Variants in AGBL3 observed in about 807,000 individuals in gnomAD.
AGBL3 encodes cytosolic carboxypeptidase 3.
In AGBL3, 68 loss-of-function variants were observed where a neutral mutation model predicts 94.5. That is an observed-to-expected ratio of 0.72 (90% CI 0.59 to 0.88). The LOEUF (loss-of-function observed/expected upper bound fraction) is 0.88. Among genes scored for constraint, AGBL3 ranks in the 40% least tolerant of loss-of-function variants. The pLI is 0.00. For synonymous variants in AGBL3, 354 were observed against 370.7 expected (o/e 0.95, Z 0.52); for missense variants, 934 against 1,103.8 (o/e 0.85, Z 2.18).
At chr7:135,123,858 C>G (rs1471720756) in intron 16 of AGBL3, among the ~76,000 whole-genome samples, 1 of 152,122 alleles carries the variant, frequency 6.6e-6, no homozygotes, top group African/African-American at 2.4e-5. Context: ...GGTTTCATTA[C>G]CACCATGGCT....
At chr7:134,987,062 G>C (rs1809550086) in intron 1 of AGBL3, among the ~76,000 whole-genome samples, 1 of 152,264 alleles carries the variant, frequency 6.6e-6, no homozygotes, top group African/African-American at 2.4e-5. Context: ...GTGGAGTTGT[G>C]ATGCCCAGGC....
chr7:134,988,983 CTT>C (rs67831726), intron 2 of AGBL3, among the ~76,000 whole-genome samples: 10,372 of 152,182 alleles, frequency 0.068, 1,130 homozygotes, highest in African/African-American at 0.23. Flanking sequence ...TATCAAGAAT[CTT>C]TAAACTTTAT....
In AGBL3 at chr7:135,046,659, A is replaced by G. The variant is rs190879310; in HGVS notation, c.1841+748A>G. Among the ~76,000 whole-genome samples, 317 of 152,046 alleles carry G rather than the reference A, an allele frequency of 2.1e-3. 1 individual carries two copies. Among genetic ancestry groups the G allele is most frequent in the African/African-American group, 7.3e-3 (301 of 41,482 alleles). ...CTTTTCGTGGCTTAAAAGCTCATTT[A>G]TTTTTAGCACTCAGTAATATTCCAT... On this transcript the variant is annotated intron_variant, in intron 11 of 16. Transcript: ENST00000436302.
chr7:135,032,391 G>A (rs141675902), intron 5 of AGBL3, among the ~76,000 whole-genome samples: 291 of 151,778 alleles, frequency 1.9e-3, no homozygotes, highest in Non-Finnish European at 3.2e-3. Context: ...TGCAACCTCT[G>A]CCTCCCAGGT....
At chr7:135,128,544 C>A (rs1158656494) in intron 16 of AGBL3, 2 of 766,628 alleles carry the variant, frequency 2.6e-6, no homozygotes, top group Non-Finnish European at 2.4e-6. Flanking sequence ...GGTGGAGAAA[C>A]CAGGATCTAT....
intron 14 of AGBL3, among the ~76,000 whole-genome samples, chr7:135,081,365 G>A (rs1820911324): frequency 6.6e-6 from 1 of 151,834 alleles, no homozygotes; most frequent in Admixed American, 6.6e-5. Flanking sequence ...TAAATAAATG[G>A]TGGCAAAGTA....
chr7:135,025,741 A>G (rs1280172390), intron 5 of AGBL3, among the ~76,000 whole-genome samples: 1 of 151,660 alleles, frequency 6.6e-6, no homozygotes, highest in Non-Finnish European at 1.5e-5. Context: ...AAAGGGTTGG[A>G]GAAAGATCTA....
rs1826204088 is a variant in AGBL3 at position 135,115,558 on chromosome 7, C to T, written c.2289C>T (p.Thr763=). 20 of 1,551,230 alleles carry T rather than the reference C, an allele frequency of 1.3e-5. No individual in the cohort carries two copies. The highest frequency in any genetic ancestry group is 3.3e-4 in the Middle Eastern group (2 of 6,010). ...TGCATAGCACTAAAAACATGCAAAC[C>T]ACTCAGATAAAACAGCTATTCAATC... The part of the protein sequence containing the change: ...PIVHSTKNMQ[T]TQIKQLFNPR... Residue 763 remains threonine (T), a synonymous_variant, in exon 16 of 17, where the codon ACC becomes ACT. Transcript: ENST00000436302.
At chr7:135,107,608 A>G (rs1352282780) in intron 15 of AGBL3, among the ~76,000 whole-genome samples, 1 of 152,068 alleles carries the variant, frequency 6.6e-6, no homozygotes, top group Admixed American at 6.6e-5. Flanking sequence ...GTTCTTTTGC[A>G]TTTCCTGAGA....
chr7:135,135,547 C>A lies in AGBL3; in HGVS notation c.*286C>A, dbSNP rs760079656. 1 of 229,468 alleles carries A rather than the reference C, an allele frequency of 4.4e-6. No homozygotes were observed. The highest frequency in any genetic ancestry group is 8.4e-6 in the Non-Finnish European group (1 of 118,898). The allele number at this position is 229,468 out of a possible 1,614,324, so 14.2% of individuals were successfully genotyped here. A position where few individuals can be genotyped will look rare whatever the true frequency, so the allele number is the denominator to read the frequency against. On this transcript the variant is annotated 3_prime_UTR_variant, in exon 17 of 17. Coordinates refer to ENST00000436302, the MANE Select transcript of AGBL3 (RefSeq NM_178563.4). Reference sequence around the variant, plus strand: ...TCTGAAGTTTTGATTTCTTCCAAAACTACTTACACATTCGACACCAAAAAA... The same window carrying A: ...TCTGAAGTTTTGATTTCTTCCAAAAATACTTACACATTCGACACCAAAAAA...
intron 16 of AGBL3, among the ~76,000 whole-genome samples, chr7:135,118,088 C>A (rs2117214115): frequency 6.6e-6 from 1 of 152,300 alleles, no homozygotes; most frequent in African/African-American, 2.4e-5. Context: ...TGAAGCCTGG[C>A]TGAATTCCCT....
chr7:135,114,065 T>C (rs1825990527), intron 15 of AGBL3, among the ~76,000 whole-genome samples: 1 of 152,224 alleles, frequency 6.6e-6, no homozygotes, highest in Non-Finnish European at 1.5e-5. Flanking sequence ...AATATTCCAT[T>C]GTATGAATAT....
chr7:135,027,248 A>G (rs1262061877), intron 5 of AGBL3, among the ~76,000 whole-genome samples: 1 of 151,618 alleles, frequency 6.6e-6, no homozygotes, highest in Non-Finnish European at 1.5e-5. Context: ...GGGTTTTACC[A>G]TGTTACCAAG....
At chr7:135,010,491 T>C (rs1813009872) in intron 4 of AGBL3, 1 of 155,424 alleles carries the variant, frequency 6.4e-6, no homozygotes, top group African/African-American at 2.4e-5. Flanking sequence ...CCTTTTGCTA[T>C]AGAGGACATT....
intron 16 of AGBL3, chr7:135,129,291 T>A: frequency 6.7e-7 from 1 of 1,501,110 alleles, no homozygotes; most frequent in South Asian, 1.1e-5. Context: ...CTTGTGCAGG[T>A]TGACCTACCA....
At chr7:135,112,976 C>A (rs540450597) in intron 15 of AGBL3, among the ~76,000 whole-genome samples, 1 of 152,160 alleles carries the variant, frequency 6.6e-6, no homozygotes, top group African/African-American at 2.4e-5. Flanking sequence ...AGGGTTTCAC[C>A]CTGTTGGCCA....
intron 16 of AGBL3, chr7:135,128,918 G>T (rs893128367): frequency 1.3e-6 from 2 of 1,509,030 alleles, no homozygotes; most frequent in African/African-American, 2.8e-5. Flanking sequence ...ATAGTAATTT[G>T]TTCCTGTGCA....
chr7:135,005,851 CA>C (rs1276409808), intron 4 of AGBL3, among the ~76,000 whole-genome samples: 1 of 151,622 alleles, frequency 6.6e-6, no homozygotes, highest in Non-Finnish European at 1.5e-5. Context: ...TTTGCATTTT[CA>C]ACAAATATTG....
chr7:135,133,769 CA>C (rs566150975), intron 16 of AGBL3, among the ~76,000 whole-genome samples: 101 of 151,972 alleles, frequency 6.6e-4, no homozygotes, highest in African/African-American at 2.4e-3. Context: ...AATTAACTCA[CA>C]AAAAAACCTG....
Sources: allele counts gnomAD v4.1 joint callset (sites outside exome capture counted in the v4.1 genomes callset), GRCh38; gene constraint gnomAD v4.1.1; transcripts MANE v1.5; gene names NCBI Gene and HGNC (gene_info 2026-07-23, HGNC 2026-07-21).